The following BSN variants were observed in gnomAD, a reference collection of about 807,000 sequenced individuals.
BSN encodes the protein protein bassoon.
Under a neutral mutation model 264.8 loss-of-function variants are expected in BSN, and 57 were observed. That is an observed-to-expected ratio of 0.22 (90% CI 0.17 to 0.27). The LOEUF is 0.27. Ranked by LOEUF, BSN falls within the 10% of genes least tolerant of loss-of-function variation. The probability of loss-of-function intolerance (pLI) is 1.00; values close to 1 mark genes in which losing one functional copy is unlikely to be tolerated. For synonymous variants in BSN, 2,059 were observed against 2,137.3 expected (o/e 0.96, Z 1.01); for missense variants, 4,615 against 5,232.5 (o/e 0.88, Z 3.64).
intron 1 of BSN, among the ~76,000 whole-genome samples, chr3:49,556,050 C>G (rs2051668070): frequency 6.6e-6 from 1 of 152,184 alleles, no homozygotes; most frequent in Admixed American, 6.5e-5. Context: ...CCATTTTATA[C>G]TAGCTATAAT....
intron 6 of BSN, 124 bp from the exon 7 acceptor site, chr3:49,662,751 TG>T: frequency 8.2e-6 from 3 of 366,510 alleles, no homozygotes; most frequent in Non-Finnish European, 1.5e-5. Context: ...GAGGGTGGGC[TG>T]GGGGCCTGCT....
chr3:49,633,416 AAAAT>A (rs906175490), intron 2 of BSN, among the ~76,000 whole-genome samples: 75 of 152,326 alleles, frequency 4.9e-4, no homozygotes, highest in African/African-American at 1.7e-3. Flanking sequence ...GGCTGCTGTA[AAAAT>A]AAATAAATAA....
chr3:49,655,649 C>T lies in BSN; in HGVS notation c.6093C>T (p.Arg2031=). ...ACAGCCTGGGCTTTGCGGATGGACG[C>T]TACCTAGGGCAGGGCTTGCAGTATG... ...HSYSLGFADG[R]YLGQGLQYGS... Residue 2031 remains arginine (R), a synonymous_variant, in exon 5 of 12, where the codon CGC becomes CGT. Coordinates refer to ENST00000296452, the MANE Select transcript of BSN (RefSeq NM_003458.4). The T allele has an allele frequency of 6.2e-7, 1 of 1,613,658 alleles. No individual in the cohort carries two copies. The highest frequency in any genetic ancestry group is 8.5e-7 in the Non-Finnish European group (1 of 1,179,970).
At chr3:49,645,047 C>A (rs1263817588) in intron 3 of BSN, among the ~76,000 whole-genome samples, 1 of 152,174 alleles carries the variant, frequency 6.6e-6, no homozygotes, top group Non-Finnish European at 1.5e-5. Context: ...GTGTTCCCCC[C>A]ATCACACCTC....
At chr3:49,601,673 G>T (rs1468425014) in intron 1 of BSN, among the ~76,000 whole-genome samples, 1 of 152,200 alleles carries the variant, frequency 6.6e-6, no homozygotes, top group African/African-American at 2.4e-5. Flanking sequence ...CTTTCAGAGT[G>T]AAGGCTGATT....
At chr3:49,567,554 T>G (rs1220518917) in intron 1 of BSN, among the ~76,000 whole-genome samples, 5 of 152,208 alleles carry the variant, frequency 3.3e-5, no homozygotes, top group Non-Finnish European at 7.3e-5. Context: ...GGCATGTTCT[T>G]CTTACGGAGA....
In BSN at chr3:49,655,979, G is replaced by A. The variant is rs745388424; in HGVS notation, c.6423G>A (p.Leu2141=). The part of the protein sequence containing the change: ...HGPGLSAPQS[L]VPLRPGLLGN... ...CCGGGCTCAGTGCTCCACAGAGTCTGGTTCCCCTCAGACCTGGACTCCTTG... is the reference window on the plus strand; with the variant it reads ...CCGGGCTCAGTGCTCCACAGAGTCTAGTTCCCCTCAGACCTGGACTCCTTG... Residue 2141 remains leucine (L), a synonymous_variant, in exon 5 of 12, where the codon CTG becomes CTA. Coordinates refer to ENST00000296452, the MANE Select transcript of BSN (RefSeq NM_003458.4). 1 of 1,608,740 alleles carries A rather than the reference G, an allele frequency of 6.2e-7. No individual in the cohort carries two copies. Among genetic ancestry groups the A allele is most frequent in the South Asian group, 1.1e-5 (1 of 90,986 alleles).
In BSN at chr3:49,554,725, C is replaced by T; in HGVS notation, c.123C>T (p.Ala41=). 8.2e-7 allele frequency: 1 copy of T among 1,218,750 alleles called. No homozygotes were observed. Among genetic ancestry groups the T allele is most frequent in the Non-Finnish European group, 1.0e-6 (1 of 976,200 alleles). The allele number at this position is 1,218,750 out of a possible 1,614,324, so 75.5% of individuals were successfully genotyped here. Residue 41 remains alanine (A), a synonymous_variant, in exon 1 of 12, where the codon GCC becomes GCT. Transcript: ENST00000296452. ...PGAGKPPSAP[A]GGGQLPAAGA... ...CAGGAAAGCCGCCTTCAGCACCGGC[C>T]GGTGGCGGACAGCTCCCCGCGGCGG...
rs150177588 is a variant in BSN at position 49,563,130 on chromosome 3, G to A, written c.224+8304G>A. Reference sequence around the variant, plus strand: ...TTACTTTGTAGCAGCTCTAAATGAAGAGGCTTGCTCTTCCATTGTGTGGCA... The same window carrying A: ...TTACTTTGTAGCAGCTCTAAATGAAAAGGCTTGCTCTTCCATTGTGTGGCA... On this transcript the variant is annotated intron_variant, in intron 1 of 11. Coordinates refer to ENST00000296452, the MANE Select transcript of BSN (RefSeq NM_003458.4). Among the ~76,000 whole-genome samples the A allele has an allele frequency of 8.5e-5, 13 of 152,348 alleles. No homozygotes were observed. The East Asian group carries it at 2.5e-3, about 29-fold the overall frequency.
rs749869059 is a variant in BSN at position 49,654,508 on chromosome 3, C to T, written c.4952C>T (p.Thr1651Met). ...SLCRISSVPGTSRVEPGPRTP... is the reference protein window; with the variant it reads ...SLCRISSVPGMSRVEPGPRTP... Reference sequence around the variant, plus strand: ...TGCCGGATCTCCTCTGTCCCTGGGACGTCTAGGGTTGAGCCAGGCCCCAGG... The same window carrying T: ...TGCCGGATCTCCTCTGTCCCTGGGATGTCTAGGGTTGAGCCAGGCCCCAGG... The change falls in exon 5 of 12, where the codon ACG (threonine) becomes ATG (methionine). Residue 1651 changes from threonine to methionine, a missense_variant. Physicochemically the swap from Thr to Met is moderately conservative, Grantham distance 81 (BLOSUM62 -1). Around this residue, in one of 3 missense-constraint regions of BSN, gnomAD observed 3,415 missense variants for 3,866.4 expected, o/e 0.88. Transcript: ENST00000296452. This position sits in a 1 kb window ranked among gnomAD's most constrained non-coding sequence, Gnocchi z 4.1. 22 of 1,611,090 alleles carry T rather than the reference C, an allele frequency of 1.4e-5. No homozygotes were observed. The Admixed American group carries it at 2.2e-4, about 16-fold the overall frequency.
chr3:49,655,094 T>C lies in BSN; in HGVS notation c.5538T>C (p.Pro1846=). ...GTGCCGAGCCCCACCGGGCCACCCCTGCAGAGCTGCGGTCACATGCTCTGC... is the reference window on the plus strand; with the variant it reads ...GTGCCGAGCCCCACCGGGCCACCCCCGCAGAGCTGCGGTCACATGCTCTGC... The part of the protein sequence containing the change: ...EPGAEPHRAT[P]AELRSHALPG... Residue 1846 remains proline, a synonymous_variant, in exon 5 of 12, where the codon CCT becomes CCC. Coordinates refer to ENST00000296452, the MANE Select transcript of BSN (RefSeq NM_003458.4). The C allele has an allele frequency of 6.2e-7, 1 of 1,612,772 alleles. No homozygotes were observed. The highest frequency in any genetic ancestry group is 8.5e-7 in the Non-Finnish European group (1 of 1,179,944).
chr3:49,661,717 C>G lies in BSN; in HGVS notation c.9872C>G (p.Ser3291Cys). The G allele has an allele frequency of 6.2e-7, 1 of 1,613,626 alleles. No individual in the cohort carries two copies. The highest frequency in any genetic ancestry group is 8.5e-7 in the Non-Finnish European group (1 of 1,180,038). Residue 3291 changes from serine to cysteine, a missense_variant, in exon 6 of 12, where the codon TCT becomes TGT. Coordinates refer to ENST00000296452, the MANE Select transcript of BSN (RefSeq NM_003458.4). ...TGCTATGCCAGAGGAGAAGAGGAATCTGAGGAGGACTCATACGATCCCCGC... is the reference window on the plus strand; with the variant it reads ...TGCTATGCCAGAGGAGAAGAGGAATGTGAGGAGGACTCATACGATCCCCGC... ...PCCYARGEEE[S>C]EEDSYDPRGK...
intron 1 of BSN, among the ~76,000 whole-genome samples, chr3:49,617,184 G>T (rs148502691): frequency 6.6e-6 from 1 of 151,714 alleles, no homozygotes; most frequent in Non-Finnish European, 1.5e-5. Flanking sequence ...GGGTTAATAG[G>T]TGTAGCAAAC....
At position 49,656,682 on chromosome 3, in the gene BSN, G is replaced by C; in HGVS notation, c.7126G>C (p.Glu2376Gln). ...RKQQEQLLQL[E>Q]RERVELEKLR... is the part of the protein sequence containing the mutation. ...GCAACAGGAGCAGCTGCTCCAGCTA[G>C]AGCGGGAGCGGGTGGAGTTGGAGAA... The change falls in exon 5 of 12, where the codon GAG (glutamate) becomes CAG (glutamine). Residue 2376 changes from glutamate to glutamine, a missense_variant. By Grantham distance (29) the Glu-to-Gln change is conservative. Around this residue, in one of 3 missense-constraint regions of BSN, gnomAD observed 3,415 missense variants for 3,866.4 expected, o/e 0.88. Transcript: ENST00000296452. The C allele has an allele frequency of 1.3e-6, 2 of 1,595,110 alleles. No individual in the cohort carries two copies. Among genetic ancestry groups the C allele is most frequent in the Middle Eastern group, 1.7e-4 (1 of 5,940 alleles).
chr3:49,555,878 G>A (rs1336480702), intron 1 of BSN, among the ~76,000 whole-genome samples: 4 of 152,180 alleles, frequency 2.6e-5, no homozygotes, highest in African/African-American at 7.2e-5. Flanking sequence ...AACTGAGGAC[G>A]CATAATTTTT....
rs2052333648 is a variant in BSN, at chr3:49,625,195, G to A, written c.445G>A (p.Gly149Ser). 1.3e-6 allele frequency: 2 copies of A among 1,558,518 alleles called. No individual in the cohort carries two copies. Among genetic ancestry groups the A allele is most frequent in the South Asian group, 1.2e-5 (1 of 84,140 alleles). Residue 149 changes from glycine to serine, a missense_variant, in exon 2 of 12, where the codon GGC becomes AGC. Transcript: ENST00000296452. The surrounding 1 kb of genome is among the most constrained non-coding windows in gnomAD (Gnocchi z 4.4). The part of the protein sequence containing the change: ...GRSPSVSPDR[G>S]STPTSPYSVP... ...GTCCCCCTCAGTGTCACCGGACAGA[G>A]GCAGCACCCCCACATCACCCTACTC...
At chr3:49,646,525 T>C (rs2052504381) in intron 3 of BSN, among the ~76,000 whole-genome samples, 1 of 152,236 alleles carries the variant, frequency 6.6e-6, no homozygotes, top group Non-Finnish European at 1.5e-5. Flanking sequence ...AGAGGTCCTG[T>C]TGCCTCCCAT....
rs752116951 is a variant in BSN, at chr3:49,652,962, G to C, written c.3406G>C (p.Ala1136Pro). 1 of 1,612,376 alleles carries C rather than the reference G, an allele frequency of 6.2e-7. No homozygotes were observed. Among genetic ancestry groups the C allele is most frequent in the Non-Finnish European group, 8.5e-7 (1 of 1,179,226 alleles). Residue 1136 changes from alanine to proline, a missense_variant, in exon 5 of 12, where the codon GCT (alanine) becomes CCT (proline). By Grantham distance (27) the Ala-to-Pro change is conservative. Coordinates refer to ENST00000296452, the MANE Select transcript of BSN (RefSeq NM_003458.4). The part of the protein sequence containing the change: ...YSPSPSLDSE[A>P]EALDGGPSRL... Reference sequence around the variant, plus strand: ...ACCCTCACCCTCCCTTGACTCTGAGGCTGAGGCCTTGGATGGTGGCCCTAG... The same window carrying C: ...ACCCTCACCCTCCCTTGACTCTGAGCCTGAGGCCTTGGATGGTGGCCCTAG...
chr3:49,591,732 A>G (rs1403438873), intron 1 of BSN, among the ~76,000 whole-genome samples: 1 of 151,926 alleles, frequency 6.6e-6, no homozygotes, highest in African/African-American at 2.4e-5. Flanking sequence ...GGGACTACAG[A>G]TGTGTGCCAC....
Sources: gnomAD v4.1 joint callset for allele counts (sites outside exome capture counted in the v4.1 genomes callset) on GRCh38, gnomAD v4.1.1 for gene constraint, gnomAD v4.1.1 regional missense constraint, Gnocchi (gnomAD v3.1) non-coding constraint, MANE v1.5 for transcripts, NCBI Gene and HGNC (gene_info 2026-07-23, HGNC 2026-07-21) for gene names.